Variants in DHX9 observed in about 807,000 individuals in gnomAD.
DHX9 encodes ATP-dependent RNA helicase A.
Under a neutral mutation model 148.7 loss-of-function variants are expected in DHX9, and 27 were observed. The observed-to-expected ratio is 0.18, with a 90% CI of 0.13 to 0.25. DHX9 has a LOEUF of 0.25. Ranked by LOEUF, DHX9 falls within the 10% of genes least tolerant of loss-of-function variation. The probability of loss-of-function intolerance (pLI) is 1.00; values close to 1 mark genes in which losing one functional copy is unlikely to be tolerated. For missense variants in DHX9, 796 were observed against 1,559.6 expected (o/e 0.51, Z 8.25); for synonymous variants, 529 against 516.6 (o/e 1.02, Z -0.33).
chr1:182,844,552 GT>G (rs564364554), intron 3 of DHX9, among the ~76,000 whole-genome samples: 2 of 152,104 alleles, frequency 1.3e-5, no homozygotes, highest in East Asian at 3.9e-4. Flanking sequence ...TTGTTTGTTT[GT>G]TTTGTTTTTT....
rs1306753524 is a variant in DHX9, at chr1:182,852,319, T to C, written c.339T>C (p.Leu113=). Residue 113 remains leucine (L), a synonymous_variant, in exon 4 of 28, where the codon CTT becomes CTC. Coordinates refer to ENST00000367549, the MANE Select transcript of DHX9 (RefSeq NM_001357.5). ...TACCAACAACCATGGGAGGACCTCT[T>C]CCTCCACATCTGGCTCTCAAAGCAG... is the stretch of plus-strand genomic sequence containing the variant. ...GDLPTTMGGP[L]PPHLALKAEN... The C allele has an allele frequency of 6.2e-7, 1 of 1,612,268 alleles. No homozygotes were observed. Among genetic ancestry groups the C allele is most frequent in the Non-Finnish European group, 8.5e-7 (1 of 1,179,256 alleles).
intron 12 of DHX9, 30 bp downstream of exon 12, chr1:182,860,214 A>G (rs1668335161): frequency 6.6e-7 from 1 of 1,509,386 alleles, no homozygotes; most frequent in Non-Finnish European, 8.9e-7. Context: ...TGAAATACCT[A>G]GAGAGCAGAC....
chr1:182,887,061 G>A (rs1442360117), intron 27 of DHX9, 22 bp from the exon 28 acceptor site: 3 of 1,599,702 alleles, frequency 1.9e-6, no homozygotes, highest in Admixed American at 1.7e-5. Flanking sequence ...TTGCTAAAGT[G>A]ATGGTTTTGT....
intron 12 of DHX9, among the ~76,000 whole-genome samples, chr1:182,861,691 CTT>C (rs1378088024): frequency 2.0e-5 from 3 of 152,296 alleles, no homozygotes; most frequent in East Asian, 3.9e-4. Flanking sequence ...GTCTCACTGT[CTT>C]TTAAAATGTT....
Position 182,853,935 on chromosome 1 carries a change from T to G in DHX9, c.478-95T>G, listed in dbSNP as rs756200611. The G allele has an allele frequency of 1.3e-4, 148 of 1,135,228 alleles. No homozygotes were observed. In the Middle Eastern group the frequency reaches 2.8e-3, roughly 22 times the overall value. 70.3% of individuals were successfully genotyped at this position (1,135,228 alleles called of 1,614,324 possible). The stretch of plus-strand genomic sequence containing the variant: ...ACTATCAAAAACAGCTTTTGCATTA[T>G]AAAGGATAGTACAAAGACAGTATTA... On this transcript the variant is annotated intron_variant, in intron 5 of 27. Transcript: ENST00000367549.
chr1:182,858,372 C>T, intron 8 of DHX9, 132 bp downstream of exon 8: 1 of 1,161,464 alleles, frequency 8.6e-7, no homozygotes, highest in African/African-American at 1.6e-5. Flanking sequence ...CTAATCATCT[C>T]TGTGTCTGGC....
At chr1:182,861,806 C>G (rs899310868) in intron 12 of DHX9, among the ~76,000 whole-genome samples, 1 of 152,160 alleles carries the variant, frequency 6.6e-6, no homozygotes, top group Non-Finnish European at 1.5e-5. Flanking sequence ...TGTTTTTGTC[C>G]TAGCGTTTGT....
At chr1:182,878,275 T>C (rs1335770110) in intron 20 of DHX9, 102 bp downstream of exon 20, 2 of 1,329,632 alleles carry the variant, frequency 1.5e-6, no homozygotes, top group Non-Finnish European at 2.1e-6. Flanking sequence ...CTGATCTAAG[T>C]CTTGCCAGCC....
In DHX9 at chr1:182,859,098, A is replaced by G. The variant is rs945892272; in HGVS notation, c.1121A>G (p.Gln374Arg). The change falls in exon 11 of 28, where the codon CAG becomes CGG. Residue 374 changes from glutamine to arginine, a missense_variant. Gln to Arg is a conservative substitution (Grantham distance 43). Transcript: ENST00000367549. ...AATGAATTGATGTACCAGTTGGAAC[A>G]GGATCATGATTTGCAAGCAGTAAGT... The part of the protein sequence containing the change: ...LKNELMYQLE[Q>R]DHDLQAILQE... 5 of 1,614,108 alleles carry G rather than the reference A, an allele frequency of 3.1e-6. No homozygotes were observed. Among genetic ancestry groups the G allele is most frequent in the Non-Finnish European group, 4.2e-6 (5 of 1,179,978 alleles).
chr1:182,887,438 T>G lies in DHX9; in HGVS notation c.*4T>G. The G allele has an allele frequency of 1.2e-6, 2 of 1,611,394 alleles. No individual in the cohort carries two copies. Among genetic ancestry groups the G allele is most frequent in the Non-Finnish European group, 1.7e-6 (2 of 1,178,532 alleles). On this transcript the variant is annotated 3_prime_UTR_variant, in exon 28 of 28. Coordinates refer to ENST00000367549, the MANE Select transcript of DHX9 (RefSeq NM_001357.5). ...AAGAGGAGGTGGCGGCTATTAAAAC[T>G]TGGTTATGTCAGTTCCTGTGTGTAG...
In DHX9 at chr1:182,883,242, T is replaced by A; in HGVS notation, c.3018T>A (p.His1006Gln). The A allele has an allele frequency of 6.2e-7, 1 of 1,614,122 alleles. No homozygotes were observed. Among genetic ancestry groups the A allele is most frequent in the Non-Finnish European group, 8.5e-7 (1 of 1,179,994 alleles). The change falls in exon 25 of 28, where the codon CAT becomes CAA. Residue 1006 changes from histidine (H) to glutamine (Q), a missense_variant. Coordinates refer to ENST00000367549, the MANE Select transcript of DHX9 (RefSeq NM_001357.5). Reference sequence around the variant, plus strand: ...GTGTGTACCCCAATGTATGCTATCATAAGGAAAAGAGGAAGATTCTCACCA... The same window carrying A: ...GTGTGTACCCCAATGTATGCTATCAAAAGGAAAAGAGGAAGATTCTCACCA... ...AFGVYPNVCY[H>Q]KEKRKILTTE...
intron 20 of DHX9, 107 bp downstream of exon 20, chr1:182,878,280 C>A: frequency 4.7e-6 from 6 of 1,277,912 alleles, no homozygotes; most frequent in South Asian, 3.0e-5. Flanking sequence ...CTAAGTCTTG[C>A]CAGCCATGTT....
Position 182,879,686 on chromosome 1 carries a change from T to A in DHX9, c.2512+276T>A, listed in dbSNP as rs564782799. On this transcript the variant is annotated intron_variant, in intron 21 of 27. Coordinates refer to ENST00000367549, the MANE Select transcript of DHX9 (RefSeq NM_001357.5). ...TATGTACTAAAGATCAGAACATAAC[T>A]TACTCATGATACCCACAGTATTTCA... Among the ~76,000 whole-genome samples the A allele has an allele frequency of 5.3e-5, 8 of 152,306 alleles. No homozygotes were observed. In the East Asian group the frequency reaches 1.3e-3, roughly 26 times the overall value.
At chr1:182,840,677 G>A (rs1272614923) in intron 1 of DHX9, among the ~76,000 whole-genome samples, 1 of 152,196 alleles carries the variant, frequency 6.6e-6, no homozygotes, top group Non-Finnish European at 1.5e-5. Flanking sequence ...TCTCTAAAGG[G>A]ATAGTGATCT....
In DHX9 at chr1:182,883,127, T is replaced by G. The variant is rs1338837198; in HGVS notation, c.2915-12T>G. ...TATCTGATTTTTGTTTTCACTGTGC[T>G]CCTCTTAACAGATTGTTTGTTGACA... On this transcript the variant is annotated splice_polypyrimidine_tract_variant and intron_variant, in intron 24 of 27. Coordinates refer to ENST00000367549, the MANE Select transcript of DHX9 (RefSeq NM_001357.5). 6.3e-7 allele frequency: 1 copy of G among 1,598,800 alleles called. No individual in the cohort carries two copies. Among genetic ancestry groups the G allele is most frequent in the African/African-American group, 1.3e-5 (1 of 74,602 alleles).
chr1:182,840,081 T>C (rs1667891835), intron 1 of DHX9: 1 of 151,976 alleles, frequency 6.6e-6, no homozygotes, highest in Non-Finnish European at 1.5e-5. Flanking sequence ...GTGACTGGAG[T>C]GTGGCGAGAA....
chr1:182,869,031 T>G (rs1419789797), intron 14 of DHX9, among the ~76,000 whole-genome samples: 1 of 152,210 alleles, frequency 6.6e-6, no homozygotes, highest in East Asian at 1.9e-4. Flanking sequence ...TGTAGCAATG[T>G]TCTTAGGGTT....
chr1:182,887,092 T>C lies in DHX9; in HGVS notation c.3471T>C (p.Asp1157=). The C allele has an allele frequency of 1.2e-6, 2 of 1,613,998 alleles. No individual in the cohort carries two copies. Among genetic ancestry groups the C allele is most frequent in the Non-Finnish European group, 1.7e-6 (2 of 1,179,826 alleles). Residue 1157 remains aspartate (D), a synonymous_variant, in exon 28 of 28, where the codon GAT becomes GAC. Transcript: ENST00000367549. The stretch of plus-strand genomic sequence containing the variant: ...TTTGTGCTTTTCCTAGGTATGGAGA[T>C]GGTCCACGTCCTCCCAAGATGGCCC... ...NLMIGSTRYG[D]GPRPPKMARY...
intron 11 of DHX9, 68 bp downstream of exon 11, chr1:182,859,185 C>A: frequency 1.4e-6 from 2 of 1,404,938 alleles, no homozygotes; most frequent in African/African-American, 1.4e-5. Flanking sequence ...GGTAAAAAGT[C>A]AATGAGCAGT....
Sources: gnomAD v4.1 joint callset for allele counts (sites outside exome capture counted in the v4.1 genomes callset) on GRCh38, gnomAD v4.1.1 for gene constraint, MANE v1.5 for transcripts, NCBI Gene and HGNC (gene_info 2026-07-23, HGNC 2026-07-21) for gene names.